DSCAM: variants seen among roughly 807,000 people sequenced by gnomAD.
DSCAM encodes cell adhesion molecule DSCAM.
DSCAM carries 47 observed loss-of-function variants against 217.7 expected under a neutral mutation model. The ratio of observed to expected loss-of-function variants is 0.22; its 90% CI spans 0.17 to 0.28. The LOEUF is 0.28. Ranked by LOEUF, DSCAM falls within the 10% of genes least tolerant of loss-of-function variation. The pLI is 1.00. For synonymous variants in DSCAM, 1,056 were observed against 1,015.3 expected (o/e 1.04, Z -0.76); for missense variants, 2,080 against 2,618.3 (o/e 0.79, Z 4.49).
chr21:40,817,617 A>T (rs922827963), intron 1 of DSCAM, among the ~76,000 whole-genome samples: 2 of 152,226 alleles, frequency 1.3e-5, no homozygotes, highest in African/African-American at 4.8e-5. Context: ...CATAATAATT[A>T]GGCCTGCTCC....
chr21:40,292,885 G>A lies in DSCAM; in HGVS notation c.2182+3170C>T, dbSNP rs1270322805. 2.6e-5 allele frequency among the ~76,000 whole-genome samples: 4 copies of A among 151,960 alleles called. No individual in the cohort carries two copies. The East Asian group carries it at 7.7e-4, about 29-fold the overall frequency. On this transcript the variant is annotated intron_variant, in intron 10 of 32. Coordinates refer to ENST00000400454, the MANE Select transcript of DSCAM (RefSeq NM_001389.5). Reference sequence around the variant, plus strand: ...TGAGTAGCTGGGACTACAGGTGGCCGCCACCACGCGTGGCTAATTTTTTTG... The same window carrying A: ...TGAGTAGCTGGGACTACAGGTGGCCACCACCACGCGTGGCTAATTTTTTTG...
At chr21:40,316,596 A>G (rs2074199529) in intron 8 of DSCAM, among the ~76,000 whole-genome samples, 1 of 152,218 alleles carries the variant, frequency 6.6e-6, no homozygotes, top group Admixed American at 6.5e-5. Context: ...TCTTGCTGAC[A>G]GTAAAAGCTT....
In DSCAM at chr21:40,495,063, AGAGAT is replaced by A. The variant is rs1296029088; in HGVS notation, c.509-125823_509-125819del. Among the ~76,000 whole-genome samples the A allele has an allele frequency of 3.9e-5, 6 of 152,192 alleles. 1 individual carries two copies. Among genetic ancestry groups the A allele is most frequent in the Non-Finnish European group, 8.8e-5 (6 of 68,022 alleles). On this transcript the variant is annotated intron_variant, in intron 3 of 32. Coordinates refer to ENST00000400454, the MANE Select transcript of DSCAM (RefSeq NM_001389.5). ...ATGAATATAACAATCTGAATAGATC[AGAGAT>A]GAGTAACAAGATTGAGTCAATAGTA...
intron 32 of DSCAM, among the ~76,000 whole-genome samples, chr21:40,033,539 T>C (rs112809847): frequency 0.011 from 1,612 of 147,440 alleles, 48 homozygotes; most frequent in African/African-American, 0.037. Flanking sequence ...CACTGAGTCT[T>C]GCTGATTGCT....
chr21:40,021,221 A>AG (rs1226656528), intron 32 of DSCAM, among the ~76,000 whole-genome samples: 1 of 151,696 alleles, frequency 6.6e-6, no homozygotes, highest in Non-Finnish European at 1.5e-5. Flanking sequence ...AAAAAAAAAA[A>AG]AAAAAGAAAA....
chr21:40,760,791 T>C (rs1391044548), intron 1 of DSCAM, among the ~76,000 whole-genome samples: 1 of 152,196 alleles, frequency 6.6e-6, no homozygotes, highest in African/African-American at 2.4e-5. Flanking sequence ...TCATGGACTG[T>C]GCCTGGCCTC....
chr21:40,552,848 C>G (rs905266081), intron 3 of DSCAM, among the ~76,000 whole-genome samples: 1 of 152,206 alleles, frequency 6.6e-6, no homozygotes, highest in Non-Finnish European at 1.5e-5. Context: ...ACTTAAAAAG[C>G]TTTCATTTCA....
At chr21:40,642,953 T>A (rs1185513712) in intron 3 of DSCAM, among the ~76,000 whole-genome samples, 1 of 152,172 alleles carries the variant, frequency 6.6e-6, no homozygotes, top group African/African-American at 2.4e-5. Context: ...TTTGCTTTGA[T>A]AAGAGCATAG....
At chr21:40,693,903 T>C (rs1204131976) in intron 2 of DSCAM, among the ~76,000 whole-genome samples, 2 of 152,102 alleles carry the variant, frequency 1.3e-5, no homozygotes, top group Admixed American at 1.3e-4. Context: ...CCCAACTCCC[T>C]GGGTTCAAAT....
intron 3 of DSCAM, among the ~76,000 whole-genome samples, chr21:40,437,988 A>G (rs1184912937): frequency 6.6e-6 from 1 of 152,166 alleles, no homozygotes; most frequent in Non-Finnish European, 1.5e-5. Context: ...CCTATGTCCT[A>G]CCCTGTATTG....
chr21:40,071,776 C>T (rs1042936172), intron 27 of DSCAM, among the ~76,000 whole-genome samples: 1 of 152,182 alleles, frequency 6.6e-6, no homozygotes, highest in African/African-American at 2.4e-5. Flanking sequence ...AGAGTCTGTA[C>T]CTTATGTGGG....
chr21:40,774,431 G>T (rs192860128), intron 1 of DSCAM, among the ~76,000 whole-genome samples: 2 of 152,214 alleles, frequency 1.3e-5, no homozygotes, highest in African/African-American at 4.8e-5. Flanking sequence ...AGCCTTCCAG[G>T]CTCCACTTTC....
intron 19 of DSCAM, among the ~76,000 whole-genome samples, chr21:40,127,271 T>C (rs1399268223): frequency 6.6e-6 from 1 of 152,196 alleles, no homozygotes; most frequent in Non-Finnish European, 1.5e-5. Context: ...AGCCTTTACT[T>C]TGTGACTCAG....
At chr21:40,577,007 AAAAAT>A in intron 3 of DSCAM, among the ~76,000 whole-genome samples, 1 of 151,796 alleles carries the variant, frequency 6.6e-6, no homozygotes, top group East Asian at 1.9e-4. Flanking sequence ...AAATAAAAAA[AAAAAT>A]AAGATGCAAA....
intron 32 of DSCAM, among the ~76,000 whole-genome samples, chr21:40,040,413 C>T (rs1412729052): frequency 1.3e-5 from 2 of 152,172 alleles, no homozygotes; most frequent in Non-Finnish European, 2.9e-5. Context: ...ATGTAAAGGC[C>T]TGCACAAATA....
chr21:40,081,331 T>C (rs989707016), intron 24 of DSCAM, among the ~76,000 whole-genome samples: 3 of 145,702 alleles, frequency 2.1e-5, no homozygotes, highest in Non-Finnish European at 4.5e-5. Context: ...GCATTTTTTT[T>C]CCCTGCACAC....
At chr21:40,067,349 G>A (rs2089221571) in intron 27 of DSCAM, among the ~76,000 whole-genome samples, 1 of 152,154 alleles carries the variant, frequency 6.6e-6, no homozygotes, top group African/African-American at 2.4e-5. Flanking sequence ...ATTTACATTT[G>A]ATTGTTCAAA....
At chr21:40,245,290 T>A (rs1452718037) in intron 11 of DSCAM, among the ~76,000 whole-genome samples, 1 of 152,150 alleles carries the variant, frequency 6.6e-6, no homozygotes, top group Non-Finnish European at 1.5e-5. Context: ...TGCTCATCCC[T>A]CTGAGTGGGA....
chr21:40,129,629 T>A (rs1038053613), intron 19 of DSCAM, among the ~76,000 whole-genome samples: 2 of 152,178 alleles, frequency 1.3e-5, no homozygotes, highest in Non-Finnish European at 2.9e-5. Flanking sequence ...ATCTTGTCTG[T>A]CGTGTTGCTG....
Sources: allele counts gnomAD v4.1 joint callset (sites outside exome capture counted in the v4.1 genomes callset), GRCh38; gene constraint gnomAD v4.1.1; transcripts MANE v1.5; gene names NCBI Gene and HGNC (gene_info 2026-07-23, HGNC 2026-07-21).